The following RIF1 variants were observed in gnomAD, a reference collection of about 807,000 sequenced individuals.
The protein encoded by RIF1 is replication timing regulatory factor 1.
In RIF1, 45 loss-of-function variants were observed where a neutral mutation model predicts 247.1. The observed-to-expected ratio is 0.18, with a 90% CI of 0.14 to 0.23. The LOEUF (loss-of-function observed/expected upper bound fraction) is 0.23. RIF1 is among the 10% of genes least tolerant of loss of function. RIF1 has a pLI of 1.00. For missense variants in RIF1, 2,967 were observed against 2,862.5 expected (o/e 1.04, Z -0.83); for synonymous variants, 1,087 against 978.8 (o/e 1.11, Z -2.06).
chr2:151,507,932 G>T, exon 14 of RIF1: 1 of 1,062,286 alleles, frequency 9.4e-7, no homozygotes, highest in Non-Finnish European at 1.4e-6. Flanking sequence ...TGCAAGCCTG[G>T]GATATCCAGA....
At chr2:151,416,739 A>G in intron 5 of RIF1, 51 bp downstream of exon 5, 1 of 1,601,492 alleles carries the variant, frequency 6.2e-7, no homozygotes, top group Non-Finnish European at 8.5e-7. Context: ...AATTAAAAGA[A>G]AAAACTATAA....
At chr2:151,438,871 G>A (rs766899531) in intron 14 of RIF1, 125 bp downstream of exon 14, 7 of 596,600 alleles carry the variant, frequency 1.2e-5, no homozygotes, top group Admixed American at 8.4e-5. Flanking sequence ...TTGCACTACC[G>A]TAGCTTCCAG....
chr2:151,526,809 C>T, the RIF1 span: 2 of 817,966 alleles, frequency 2.4e-6, no homozygotes, highest in Non-Finnish European at 4.1e-6. Context: ...CATACCTGAG[C>T]CCTGATGGAA....
At chr2:151,440,001 A>C (rs764407780) in intron 14 of RIF1, 26 bp from the exon 15 acceptor site, 2 of 904,086 alleles carry the variant, frequency 2.2e-6, no homozygotes, top group East Asian at 2.5e-5. Context: ...AAAAAGAACT[A>C]TACCCTTCTT....
intron 20 of RIF1, 151 bp from the exon 21 acceptor site, chr2:151,451,455 G>A: frequency 1.7e-6 from 1 of 577,976 alleles, no homozygotes; most frequent in Non-Finnish European, 3.2e-6. Flanking sequence ...GTTAAGCCGT[G>A]GGTGGCTGCA....
the RIF1 span, chr2:151,514,814 C>A: frequency 1.8e-5 from 28 of 1,554,134 alleles, 1 homozygote; most frequent in South Asian, 3.1e-4. Context: ...CAAGTGGGCA[C>A]TACCTCGCTT....
intron 9 of RIF1, chr2:151,490,287 G>T: frequency 1.3e-6 from 2 of 1,482,512 alleles, no homozygotes; most frequent in Admixed American, 2.3e-5. Context: ...TTTTAAATTT[G>T]TTTTTGTACT....
downstream of RIF1, chr2:151,512,861 G>C: frequency 6.6e-7 from 1 of 1,522,588 alleles, no homozygotes; most frequent in Non-Finnish European, 9.1e-7. Flanking sequence ...CCGAATAGTT[G>C]GGTAAATGTT....
intron 22 of RIF1, among the ~76,000 whole-genome samples, chr2:151,455,778 A>G (rs1285886189): frequency 3.3e-5 from 5 of 152,142 alleles, no homozygotes; most frequent in African/African-American, 7.2e-5. Context: ...AGCCGCCACC[A>G]TGCCCAGCTA....
At chr2:151,534,230 G>T in the RIF1 span, 2 of 1,613,264 alleles carry the variant, frequency 1.2e-6, no homozygotes, top group Non-Finnish European at 1.7e-6. Flanking sequence ...TGATCTGGTC[G>T]CCTGCGGTCT....
At chr2:151,425,442 GAA>G (rs1688883816) in intron 8 of RIF1, among the ~76,000 whole-genome samples, 1 of 151,990 alleles carries the variant, frequency 6.6e-6, no homozygotes, top group Non-Finnish European at 1.5e-5. Context: ...TCATATTCAT[GAA>G]GTTGTTGCCA....
At chr2:151,474,319 AAGT>A (rs1317581371) in intron 35 of RIF1, among the ~76,000 whole-genome samples, 12 of 152,212 alleles carry the variant, frequency 7.9e-5, no homozygotes, top group African/African-American at 2.9e-4. Context: ...TTAATAAATG[AAGT>A]AGTCTACCAT....
At chr2:151,520,577 G>T in the RIF1 span, among the ~76,000 whole-genome samples, 3 of 152,120 alleles carry the variant, frequency 2.0e-5, no homozygotes, top group African/African-American at 4.8e-5. Context: ...ATCTAAAGAG[G>T]ATGATAGCCA....
the RIF1 span, among the ~76,000 whole-genome samples, chr2:151,517,464 T>C: frequency 1.2e-4 from 18 of 152,360 alleles, no homozygotes; most frequent in Admixed American, 1.3e-4. Context: ...ATTTGTGATA[T>C]AGGAGGTCAT....
At chr2:151,491,993 C>T in intron 9 of RIF1, 1 of 1,252,020 alleles carries the variant, frequency 8.0e-7, no homozygotes, top group East Asian at 2.3e-5. Context: ...TCTAGAAAAA[C>T]AGATTGAAGT....
chr2:151,482,212 GT>G (rs2049199478), downstream of RIF1: 1 of 152,082 alleles, frequency 6.6e-6, no homozygotes, highest in Admixed American at 6.6e-5. Context: ...TTGGTTTTTT[GT>G]TTTGTTGTTT....
At position 151,468,558 on chromosome 2, in the gene RIF1, A is replaced by C. The variant is rs761473185; in HGVS notation, c.6825+7A>C. ...GAGCTCAAAGAAGTGTTTAGTAAGA[A>C]GTGCTTTAGTTTTCATGTCACTTTA... On this transcript the variant is annotated splice_region_variant and intron_variant, in intron 32 of 35. Coordinates refer to ENST00000444746, the MANE Select transcript of RIF1 (RefSeq NM_018151.5). The C allele has an allele frequency of 3.6e-5, 58 of 1,610,120 alleles. No individual in the cohort carries two copies. In the Middle Eastern group the frequency reaches 6.6e-4, roughly 18 times the overall value.
rs745810340 is a variant in RIF1, at chr2:151,410,431, C to T, written c.8C>T (p.Ala3Val). 2 of 1,612,620 alleles carry T rather than the reference C, an allele frequency of 1.2e-6. No homozygotes were observed. Among genetic ancestry groups the T allele is most frequent in the South Asian group, 2.2e-5 (2 of 90,886 alleles). MT[A>V]RGQSPLAPLL... ...GGCCTCAGGGTGGCCGACATGACGG[C>T]CAGGGGTCAGAGCCCCCTCGCGCCG... is the stretch of plus-strand genomic sequence containing the variant. The change falls in exon 2 of 36, where the codon GCC becomes GTC. Residue 3 changes from alanine to valine, a missense_variant. Physicochemically the swap from Ala to Val is moderately conservative, Grantham distance 64. Around this residue, in one of 7 missense-constraint regions of RIF1, gnomAD observed 269 missense variants for 288.6 expected, o/e 0.93. Coordinates refer to ENST00000444746, the MANE Select transcript of RIF1 (RefSeq NM_018151.5).
chr2:151,423,086 G>T, intron 8 of RIF1, 44 bp downstream of exon 8: 1 of 1,018,212 alleles, frequency 9.8e-7, no homozygotes, highest in Non-Finnish European at 1.5e-6. Context: ...TTACATGCTG[G>T]ACTCTTTATT....
Sources: allele counts gnomAD v4.1 joint callset (sites outside exome capture counted in the v4.1 genomes callset), GRCh38; gene constraint gnomAD v4.1.1; regional missense constraint gnomAD v4.1.1; transcripts MANE v1.5; gene names NCBI Gene and HGNC (gene_info 2026-07-23, HGNC 2026-07-21).